TRDN: variants seen among roughly 807,000 people sequenced by gnomAD.
TRDN encodes triadin, also known as triadin in skeletal muscle.
TRDN carries 161 observed loss-of-function variants against 149.7 expected under a neutral mutation model. The ratio of observed to expected loss-of-function variants is 1.08; its 90% confidence interval spans 0.95 to 1.23. TRDN has a LOEUF of 1.23. Ranked by LOEUF, TRDN falls within the 50% of genes most tolerant of loss-of-function variation. The pLI is 0.00. For missense variants in TRDN, 896 were observed against 823.5 expected (o/e 1.09, Z -1.08); for synonymous variants, 294 against 250.5 (o/e 1.17, Z -1.64).
rs1347051516 is a variant in TRDN, at chr6:123,534,503, T to C, written c.425-3938A>G. ...GTCTCCTTACACTTTAGCCAGGAAA[T>C]GATGCTATTCAAGCTCCTGTCCAAT... On this transcript the variant is annotated intron_variant, in intron 4 of 40. Coordinates refer to ENST00000334268, the MANE Select transcript of TRDN (RefSeq NM_006073.4). 3.9e-5 allele frequency among the ~76,000 whole-genome samples: 6 copies of C among 152,218 alleles called. No individual in the cohort carries two copies. The East Asian group carries it at 1.2e-3, about 30-fold the overall frequency.
chr6:123,611,647 G>T (rs1784814999), intron 1 of TRDN, among the ~76,000 whole-genome samples: 1 of 152,106 alleles, frequency 6.6e-6, no homozygotes, highest in Admixed American at 6.6e-5. Context: ...CAAAAAAGCT[G>T]CATTTCAGAA....
At chr6:123,409,086 T>C (rs971170675) in intron 12 of TRDN, among the ~76,000 whole-genome samples, 10 of 152,224 alleles carry the variant, frequency 6.6e-5, no homozygotes, top group African/African-American at 2.4e-4. Flanking sequence ...CACTCATTAA[T>C]GAGGAACATA....
At position 123,347,959 on chromosome 6, in the gene TRDN, C is replaced by A. The variant is rs184336099; in HGVS notation, c.1369+4580G>T. On this transcript the variant is annotated intron_variant, in intron 21 of 40. Transcript: ENST00000334268. ...CACTGGCTATCATCAATTATTTCTT[C>A]TTTGAAGACCAAAGTTGTAAGCGCT... is the stretch of plus-strand genomic sequence containing the variant. Among the ~76,000 whole-genome samples, 102 of 152,094 alleles carry A rather than the reference C, an allele frequency of 6.7e-4. No homozygotes were observed. The Middle Eastern group carries it at 0.017, about 25-fold the overall frequency.
chr6:123,277,618 T>G (rs1777418586), intron 26 of TRDN, among the ~76,000 whole-genome samples: 1 of 151,698 alleles, frequency 6.6e-6, no homozygotes, highest in African/African-American at 2.4e-5. Context: ...GGAGGCAGAG[T>G]TTGAAAGTGA....
intron 1 of TRDN, among the ~76,000 whole-genome samples, chr6:123,580,144 C>CT (rs532860096): frequency 1.3e-5 from 2 of 152,122 alleles, no homozygotes; most frequent in East Asian, 1.9e-4. Flanking sequence ...TGGTCCCAGG[C>CT]TTTTTTTGGT....
chr6:123,556,027 A>C (rs1193000215), intron 2 of TRDN, among the ~76,000 whole-genome samples: 4 of 152,178 alleles, frequency 2.6e-5, no homozygotes, highest in Non-Finnish European at 5.9e-5. Flanking sequence ...TTTATTTAAC[A>C]CTTTAGCAGG....
At chr6:123,530,479 A>G (rs763673350) in intron 5 of TRDN, 27 bp downstream of exon 5, 2 of 1,185,436 alleles carry the variant, frequency 1.7e-6, no homozygotes, top group South Asian at 3.6e-5. Context: ...ATCTAAATGA[A>G]GAATAAACAT....
chr6:123,532,156 T>G (rs73536724), intron 4 of TRDN, among the ~76,000 whole-genome samples: 18,520 of 152,032 alleles, frequency 0.12, 1,363 homozygotes, highest in Non-Finnish European at 0.17. Context: ...CAAATTGAGA[T>G]GTGCTGTAAG....
intron 22 of TRDN, among the ~76,000 whole-genome samples, chr6:123,335,921 CA>C (rs1253272943): frequency 9.2e-5 from 14 of 151,878 alleles, no homozygotes; most frequent in African/African-American, 3.4e-4. Flanking sequence ...TTGATTTTCA[CA>C]AAATCAAGGA....
chr6:123,579,010 A>G (rs1782991788), intron 1 of TRDN, among the ~76,000 whole-genome samples: 1 of 152,154 alleles, frequency 6.6e-6, no homozygotes, highest in Admixed American at 6.6e-5. Flanking sequence ...GTATTCTGAC[A>G]TTTTGCTGAA....
intron 4 of TRDN, among the ~76,000 whole-genome samples, chr6:123,539,007 C>T (rs570097645): frequency 6.6e-6 from 1 of 152,174 alleles, no homozygotes; most frequent in African/African-American, 2.4e-5. Context: ...GCTGTGTTAG[C>T]GTGTTTCATA....
At chr6:123,575,715 A>C (rs1410814583) in intron 1 of TRDN, among the ~76,000 whole-genome samples, 1 of 152,080 alleles carries the variant, frequency 6.6e-6, no homozygotes. Flanking sequence ...AAAAGGAGGG[A>C]TTGCTTATAT....
intron 5 of TRDN, among the ~76,000 whole-genome samples, chr6:123,519,111 A>T (rs1338899145): frequency 2.6e-5 from 4 of 152,326 alleles, no homozygotes; most frequent in Middle Eastern, 3.4e-3. Context: ...CTCAGGACAG[A>T]ATAAGCTTCT....
intron 1 of TRDN, among the ~76,000 whole-genome samples, chr6:123,580,502 C>A (rs2114575862): frequency 6.6e-6 from 1 of 152,270 alleles, no homozygotes; most frequent in South Asian, 2.1e-4. Flanking sequence ...TTTTCTTGTT[C>A]TCTGCAATGG....
intron 2 of TRDN, among the ~76,000 whole-genome samples, chr6:123,563,202 G>T (rs117110757): frequency 1.3e-5 from 2 of 152,268 alleles, no homozygotes; most frequent in East Asian, 1.9e-4. Context: ...AATGCAAATA[G>T]ATGTATATTT....
chr6:123,432,841 C>T (rs1583012552), intron 12 of TRDN, among the ~76,000 whole-genome samples: 2 of 151,986 alleles, frequency 1.3e-5, no homozygotes, highest in East Asian at 3.9e-4. Context: ...TTAACTTTTC[C>T]TTTAATATCT....
At chr6:123,415,412 TAG>T (rs999456738) in intron 12 of TRDN, among the ~76,000 whole-genome samples, 4 of 152,168 alleles carry the variant, frequency 2.6e-5, no homozygotes, top group African/African-American at 9.7e-5. Context: ...TTAGAACCAT[TAG>T]AGTCTTTCCA....
chr6:123,545,027 C>A (rs550227107), intron 4 of TRDN, among the ~76,000 whole-genome samples: 62 of 151,862 alleles, frequency 4.1e-4, no homozygotes, highest in African/African-American at 1.3e-3. Flanking sequence ...AGTAACTCAA[C>A]AAATAAAACT....
At chr6:123,262,964 A>C (rs1017619041) in intron 33 of TRDN, among the ~76,000 whole-genome samples, 7 of 152,048 alleles carry the variant, frequency 4.6e-5, no homozygotes, top group Non-Finnish European at 1.0e-4. Context: ...AGTAACCTAA[A>C]ATGGCCTCTT....
Sources: gnomAD v4.1 joint callset for allele counts (sites outside exome capture counted in the v4.1 genomes callset) on GRCh38, gnomAD v4.1.1 for gene constraint, MANE v1.5 for transcripts, NCBI Gene and HGNC (gene_info 2026-07-23, HGNC 2026-07-21) for gene names.